NCAM2: variants seen among roughly 807,000 people sequenced by gnomAD.
NCAM2 encodes neural cell adhesion molecule 2, also known as N-CAM-2.
NCAM2 carries 30 observed loss-of-function variants against 98.1 expected under a neutral mutation model. The observed-to-expected ratio is 0.31, with a 90% CI of 0.23 to 0.41. The LOEUF (loss-of-function observed/expected upper bound fraction) is 0.41, where lower values mean the gene tolerates loss of function less well. Ranked by LOEUF, NCAM2 falls within the 10% of genes least tolerant of loss-of-function variation. The pLI, the probability that NCAM2 is intolerant of heterozygous loss-of-function variation, is 1.00. For synonymous variants in NCAM2, 368 were observed against 342.4 expected (o/e 1.07, Z -0.83); for missense variants, 867 against 1,005.8 (o/e 0.86, Z 1.87).
chr21:21,210,715 C>A (rs2069618741), intron 1 of NCAM2: 1 of 1,109,930 alleles, frequency 9.0e-7, no homozygotes, highest in Non-Finnish European at 1.2e-6. Context: ...TTGCCCAGGG[C>A]TGTAATCTAT....
At chr21:21,525,324 TAAAG>T (rs1244119656) in intron 16 of NCAM2, among the ~76,000 whole-genome samples, 2 of 151,816 alleles carry the variant, frequency 1.3e-5, no homozygotes, top group South Asian at 2.1e-4. Context: ...ATATCAGAAA[TAAAG>T]AAGGAATAAC....
At chr21:21,508,578 T>C (rs1266056979) in intron 15 of NCAM2, among the ~76,000 whole-genome samples, 4 of 151,804 alleles carry the variant, frequency 2.6e-5, no homozygotes, top group African/African-American at 4.8e-5. Flanking sequence ...TTAGACACTT[T>C]TTCTTTGTTA....
chr21:21,425,293 A>G (rs7279973), intron 11 of NCAM2, among the ~76,000 whole-genome samples: 2,198 of 152,156 alleles, frequency 0.014, 66 homozygotes, highest in African/African-American at 0.051. Flanking sequence ...CCAATTTCCA[A>G]ATTTCTCCAA....
intron 5 of NCAM2, among the ~76,000 whole-genome samples, chr21:21,304,344 G>A (rs552427112): frequency 6.6e-6 from 1 of 150,578 alleles, no homozygotes; most frequent in African/African-American, 2.4e-5. Flanking sequence ...TTTTTGGCAT[G>A]TGAATGTCCG....
intron 9 of NCAM2, among the ~76,000 whole-genome samples, chr21:21,386,008 A>C (rs981159207): frequency 1.3e-5 from 2 of 152,128 alleles, no homozygotes; most frequent in Admixed American, 1.3e-4. Context: ...TGTAGTATAA[A>C]AGAGAGAGTT....
chr21:21,075,544 A>G (rs920632297), intron 1 of NCAM2, among the ~76,000 whole-genome samples: 3 of 152,152 alleles, frequency 2.0e-5, no homozygotes, highest in African/African-American at 7.2e-5. Flanking sequence ...TCTTCATCCT[A>G]GGAGGAAAGT....
intron 1 of NCAM2, among the ~76,000 whole-genome samples, chr21:21,245,386 G>T (rs995326611): frequency 6.6e-6 from 1 of 152,038 alleles, no homozygotes; most frequent in South Asian, 2.1e-4. Context: ...CTTTTGTTTT[G>T]TTTGTAAGTT....
At chr21:21,288,316 A>T (rs988201917) in intron 4 of NCAM2, among the ~76,000 whole-genome samples, 1 of 151,948 alleles carries the variant, frequency 6.6e-6, no homozygotes, top group Non-Finnish European at 1.5e-5. Flanking sequence ...AATGAATAAA[A>T]TATATGGCTA....
chr21:21,349,581 A>G (rs964931956), intron 8 of NCAM2, among the ~76,000 whole-genome samples: 2 of 152,188 alleles, frequency 1.3e-5, no homozygotes, highest in Non-Finnish European at 2.9e-5. Flanking sequence ...ACTCCTGGGC[A>G]TATACCCAAA....
chr21:21,123,939 C>A (rs1439819513), intron 1 of NCAM2, among the ~76,000 whole-genome samples: 1 of 147,622 alleles, frequency 6.8e-6, no homozygotes, highest in Admixed American at 6.9e-5. Flanking sequence ...CTCCACCTTC[C>A]GGATTCAAGA....
At chr21:21,147,679 A>C in intron 1 of NCAM2, among the ~76,000 whole-genome samples, 1 of 147,488 alleles carries the variant, frequency 6.8e-6, no homozygotes, top group East Asian at 2.0e-4. Context: ...ACACTAGCGC[A>C]TATGCACACA....
chr21:21,244,803 C>A (rs752469945), intron 1 of NCAM2, among the ~76,000 whole-genome samples: 1 of 143,210 alleles, frequency 7.0e-6, no homozygotes, highest in Non-Finnish European at 1.5e-5. Flanking sequence ...GCCGAGATCG[C>A]GCCACTGCAC....
intron 5 of NCAM2, among the ~76,000 whole-genome samples, chr21:21,316,909 C>T (rs776989808): frequency 6.6e-6 from 1 of 152,118 alleles, no homozygotes; most frequent in Non-Finnish European, 1.5e-5. Context: ...GGACCATTAG[C>T]ACATAAACCC....
chr21:21,340,623 A>C (rs781644984), intron 8 of NCAM2, among the ~76,000 whole-genome samples: 15 of 151,948 alleles, frequency 9.9e-5, no homozygotes, highest in Non-Finnish European at 1.9e-4. Context: ...AATTAAGTCT[A>C]TTGTATTTCT....
chr21:21,102,269 T>C (rs1368018466), intron 1 of NCAM2, among the ~76,000 whole-genome samples: 3 of 152,230 alleles, frequency 2.0e-5, no homozygotes, highest in African/African-American at 4.8e-5. Flanking sequence ...ATTTGTATTA[T>C]AGTTTACTTT....
chr21:21,511,007 T>C (rs573892098), intron 16 of NCAM2, among the ~76,000 whole-genome samples: 1 of 152,154 alleles, frequency 6.6e-6, no homozygotes, highest in East Asian at 1.9e-4. Context: ...TAAATGAGTT[T>C]ATACTTGTTG....
At chr21:21,006,423 C>T (rs971330018) in intron 1 of NCAM2, among the ~76,000 whole-genome samples, 1 of 152,126 alleles carries the variant, frequency 6.6e-6, no homozygotes, top group African/African-American at 2.4e-5. Flanking sequence ...GTTAGAAAAT[C>T]ACTTGAGTCT....
At chr21:21,263,611 C>A (rs1239995346) in intron 1 of NCAM2, among the ~76,000 whole-genome samples, 1 of 152,054 alleles carries the variant, frequency 6.6e-6, no homozygotes, top group Non-Finnish European at 1.5e-5. Flanking sequence ...TCAAACTATA[C>A]CACAAGAATA....
intron 16 of NCAM2, among the ~76,000 whole-genome samples, chr21:21,521,198 C>T (rs1031274395): frequency 1.3e-5 from 2 of 152,098 alleles, no homozygotes; most frequent in African/African-American, 4.8e-5. Flanking sequence ...TCTGTCCCAC[C>T]AAGGCTGTGG....
Sources: allele counts gnomAD v4.1 joint callset (sites outside exome capture counted in the v4.1 genomes callset), GRCh38; gene constraint gnomAD v4.1.1; transcripts MANE v1.5; gene names NCBI Gene and HGNC (gene_info 2026-07-23, HGNC 2026-07-21).